BBX: variants seen among roughly 807,000 people sequenced by gnomAD.
The protein encoded by BBX is BBX high mobility group box domain containing.
In BBX, 30 loss-of-function variants were observed where a neutral mutation model predicts 100.2. That is an observed-to-expected ratio of 0.30 (90% CI 0.22 to 0.41). The LOEUF is 0.41. Ranked by LOEUF, BBX falls within the 10% of genes least tolerant of loss-of-function variation. The pLI, the probability that BBX is intolerant of heterozygous loss-of-function variation, is 1.00. For missense variants in BBX, 1,023 were observed against 1,129.8 expected, an observed-to-expected ratio of 0.91 and a Z score of 1.35; for synonymous variants, 376 against 388.1, an observed-to-expected ratio of 0.97 and a Z score of 0.37.
intron 5 of BBX, among the ~76,000 whole-genome samples, chr3:107,719,933 T>C (rs1040692067): frequency 3.9e-5 from 6 of 152,000 alleles, no homozygotes; most frequent in African/African-American, 1.4e-4. Context: ...ATCACACATC[T>C]TGAACTTCAG....
At chr3:107,774,678 A>G in intron 11 of BBX, 41 bp from the exon 12 acceptor site, 2 of 1,594,090 alleles carry the variant, frequency 1.3e-6, no homozygotes, top group Non-Finnish European at 1.7e-6. Flanking sequence ...CCCCTCGCCC[A>G]CCTGTATACC....
At chr3:107,633,294 A>G (rs936056775) in intron 2 of BBX, among the ~76,000 whole-genome samples, 17 of 152,144 alleles carry the variant, frequency 1.1e-4, no homozygotes, top group African/African-American at 3.9e-4. Context: ...AGCTAAATAT[A>G]TAATAGTTGA....
chr3:107,594,543 G>T (rs1470163361), intron 2 of BBX, among the ~76,000 whole-genome samples: 2 of 152,082 alleles, frequency 1.3e-5, no homozygotes, highest in African/African-American at 4.8e-5. Context: ...TCGCATTTCT[G>T]ACTATGAGCC....
At chr3:107,610,353 G>C (rs2054751679) in intron 2 of BBX, among the ~76,000 whole-genome samples, 1 of 152,096 alleles carries the variant, frequency 6.6e-6, no homozygotes, top group African/African-American at 2.4e-5. Flanking sequence ...GAAGTGTTCT[G>C]TGTATATCCA....
In BBX at chr3:107,663,845, G is replaced by A. The variant is rs140702853; in HGVS notation, c.-10+17936G>A. 1.8e-3 allele frequency among the ~76,000 whole-genome samples: 254 copies of A among 142,170 alleles called. 1 individual carries two copies. Among genetic ancestry groups the A allele is most frequent in the Admixed American group, 4.6e-3 (63 of 13,584 alleles). 93.3% of individuals were successfully genotyped at this position (142,170 alleles called of 152,430 possible). A position where few individuals can be genotyped will look rare whatever the true frequency, so the allele number is the denominator to read the frequency against. On this transcript the variant is annotated intron_variant, in intron 3 of 17. Transcript: ENST00000325805. ...TTTTGAGATGGAGCCTCACGCTCTCGCCCAGGCTGGAGTGCAGTGATGCCA... is the reference window on the plus strand; with the variant it reads ...TTTTGAGATGGAGCCTCACGCTCTCACCCAGGCTGGAGTGCAGTGATGCCA...
intron 10 of BBX, among the ~76,000 whole-genome samples, chr3:107,770,158 G>A (rs1043698958): frequency 6.6e-6 from 1 of 152,198 alleles, no homozygotes; most frequent in Non-Finnish European, 1.5e-5. Context: ...ATTCCTAGCT[G>A]TAGAATCCTT....
intron 16 of BBX, 139 bp downstream of exon 16, chr3:107,798,859 A>C: frequency 1.0e-6 from 1 of 984,592 alleles, no homozygotes; most frequent in Non-Finnish European, 1.5e-6. Flanking sequence ...AACAAAAACA[A>C]AAAAAACCAG....
chr3:107,626,560 C>T (rs150762650), intron 2 of BBX, among the ~76,000 whole-genome samples: 4 of 152,172 alleles, frequency 2.6e-5, no homozygotes, highest in Non-Finnish European at 5.9e-5. Flanking sequence ...CTGGGAGGAT[C>T]ACTTCAAGGT....
chr3:107,715,988 C>A (rs933805116), intron 4 of BBX, among the ~76,000 whole-genome samples: 3 of 152,136 alleles, frequency 2.0e-5, no homozygotes, highest in Non-Finnish European at 4.4e-5. Context: ...TTCAAATAAT[C>A]ATGTTAAATA....
At chr3:107,688,121 A>G (rs539196652) in intron 3 of BBX, among the ~76,000 whole-genome samples, 8 of 152,234 alleles carry the variant, frequency 5.3e-5, no homozygotes, top group Non-Finnish European at 1.0e-4. Context: ...TTCCCAGATT[A>G]TCTTTGACCA....
rs547849641 is a variant in BBX, at chr3:107,605,010, C to T, written c.-83-40826C>T. Among the ~76,000 whole-genome samples, 236 of 152,272 alleles carry T rather than the reference C, an allele frequency of 1.5e-3. 1 individual carries two copies. Among genetic ancestry groups the T allele is most frequent in the Middle Eastern group, 3.4e-3 (1 of 292 alleles). ...CTCACTGTTCAGAGTTAAGAATTTA[C>T]TTGACTGCGTAGCTTATTTTAATGT... On this transcript the variant is annotated intron_variant, in intron 2 of 17. Transcript: ENST00000325805.
chr3:107,542,015 G>A (rs1466864804), intron 2 of BBX, among the ~76,000 whole-genome samples: 2 of 152,150 alleles, frequency 1.3e-5, no homozygotes, highest in African/African-American at 4.8e-5. Flanking sequence ...ATGCTTTTTA[G>A]TTTGGCACTC....
chr3:107,608,028 A>T (rs1393949893), intron 2 of BBX, among the ~76,000 whole-genome samples: 1 of 151,846 alleles, frequency 6.6e-6, no homozygotes, highest in African/African-American at 2.4e-5. Flanking sequence ...CACTTTGCTG[A>T]TTGTTTCCTT....
At chr3:107,690,107 T>C (rs1226048664) in intron 3 of BBX, among the ~76,000 whole-genome samples, 1 of 152,220 alleles carries the variant, frequency 6.6e-6, no homozygotes, top group Non-Finnish European at 1.5e-5. Flanking sequence ...TTGGAACTTA[T>C]TAATGAAATG....
chr3:107,698,556 G>A (rs1486385870), intron 3 of BBX, among the ~76,000 whole-genome samples: 1 of 151,256 alleles, frequency 6.6e-6, no homozygotes, highest in African/African-American at 2.5e-5. Context: ...GGAGGCTGAG[G>A]CAGAAGAATT....
intron 2 of BBX, among the ~76,000 whole-genome samples, chr3:107,551,754 G>A (rs2107428747): frequency 6.6e-6 from 1 of 152,300 alleles, no homozygotes; most frequent in East Asian, 1.9e-4. Flanking sequence ...GGAATGATCA[G>A]GAACATCCTT....
intron 12 of BBX, 96 bp from the exon 13 acceptor site, chr3:107,778,275 C>A: frequency 1.4e-6 from 2 of 1,451,468 alleles, no homozygotes; most frequent in East Asian, 2.3e-5. Flanking sequence ...CCCAGAGACC[C>A]TGTTTTCAAA....
chr3:107,695,700 T>C (rs1387630675), intron 3 of BBX, among the ~76,000 whole-genome samples: 2 of 151,596 alleles, frequency 1.3e-5, no homozygotes, highest in Admixed American at 6.6e-5. Flanking sequence ...GTTCTGTAGA[T>C]GTCTATTAGG....
At chr3:107,782,795 G>A (rs1382175540) in intron 13 of BBX, among the ~76,000 whole-genome samples, 1 of 152,044 alleles carries the variant, frequency 6.6e-6, no homozygotes, top group Non-Finnish European at 1.5e-5. Flanking sequence ...AACTTAAGTG[G>A]AGACCTAAGC....
Sources: gnomAD v4.1 joint callset for allele counts (sites outside exome capture counted in the v4.1 genomes callset) on GRCh38, gnomAD v4.1.1 for gene constraint, MANE v1.5 for transcripts, NCBI Gene and HGNC (gene_info 2026-07-23, HGNC 2026-07-21) for gene names.